PPP2R3A: variants seen among roughly 807,000 people sequenced by gnomAD.
PPP2R3A encodes the protein serine/threonine-protein phosphatase 2A regulatory subunit B'' subunit alpha.
Under a neutral mutation model 106.9 loss-of-function variants are expected in PPP2R3A, and 80 were observed. That is an observed-to-expected ratio of 0.75 (90% CI 0.62 to 0.90). PPP2R3A has a LOEUF of 0.90. Ranked by LOEUF, PPP2R3A falls within the 40% of genes least tolerant of loss-of-function variation. The pLI is 0.00. For missense variants in PPP2R3A, 1,386 were observed against 1,350.4 expected (o/e 1.03, Z -0.41); for synonymous variants, 483 against 468.3 (o/e 1.03, Z -0.41).
At chr3:136,094,479 T>C (rs1217511028) in intron 10 of PPP2R3A, among the ~76,000 whole-genome samples, 2 of 152,160 alleles carry the variant, frequency 1.3e-5, no homozygotes, top group Non-Finnish European at 2.9e-5. Flanking sequence ...GAAAGACAAC[T>C]GGAAAATCTC....
intron 5 of PPP2R3A, among the ~76,000 whole-genome samples, chr3:136,068,870 G>A (rs1489861848): frequency 1.3e-5 from 2 of 152,158 alleles, no homozygotes; most frequent in Admixed American, 6.5e-5. Context: ...TCTGTATTAC[G>A]TATGCCCAGT....
chr3:135,986,722 G>C (rs1932932686), intron 1 of PPP2R3A, among the ~76,000 whole-genome samples: 2 of 152,054 alleles, frequency 1.3e-5, no homozygotes, highest in Non-Finnish European at 2.9e-5. Flanking sequence ...TTTCTTTCCT[G>C]TTAGTGTGAA....
intron 4 of PPP2R3A, among the ~76,000 whole-genome samples, chr3:136,047,690 A>C (rs757046525): frequency 2.0e-5 from 3 of 152,176 alleles, no homozygotes; most frequent in Non-Finnish European, 4.4e-5. Flanking sequence ...TCACGAGGTC[A>C]GGAGATCGAT....
chr3:136,047,481 T>C lies in PPP2R3A; in HGVS notation c.2367-1778T>C, dbSNP rs186268141. 2.6e-5 allele frequency among the ~76,000 whole-genome samples: 4 copies of C among 152,364 alleles called. No individual in the cohort carries two copies. In the East Asian group the frequency reaches 7.7e-4, roughly 29 times the overall value. On this transcript the variant is annotated intron_variant, in intron 4 of 13. Coordinates refer to ENST00000264977, the MANE Select transcript of PPP2R3A (RefSeq NM_002718.5). ...GCAGCCGTAAAAAAGAATGAAGTCTTGTTCTTTGTAGCAACATGGATGCAG... is the reference window on the plus strand; with the variant it reads ...GCAGCCGTAAAAAAGAATGAAGTCTCGTTCTTTGTAGCAACATGGATGCAG...
intron 8 of PPP2R3A, among the ~76,000 whole-genome samples, chr3:136,087,243 G>GTC (rs1491461536): frequency 1.2e-3 from 87 of 75,082 alleles, no homozygotes; most frequent in Admixed American, 2.0e-3. Flanking sequence ...GTCTCTAGTC[G>GTC]TGTCTCTCTC....
intron 3 of PPP2R3A, among the ~76,000 whole-genome samples, chr3:136,039,074 A>G (rs552793358): frequency 1.4e-3 from 216 of 152,166 alleles, no homozygotes; most frequent in African/African-American, 4.8e-3. Context: ...AGCAGCCTGG[A>G]TGTTCTTTCA....
At chr3:136,056,234 G>T (rs1935855518) in intron 5 of PPP2R3A, among the ~76,000 whole-genome samples, 1 of 152,062 alleles carries the variant, frequency 6.6e-6, no homozygotes, top group African/African-American at 2.4e-5. Context: ...AGAAGTCTAA[G>T]GAGACATAAC....
At chr3:136,034,402 G>T (rs1935013441) in intron 3 of PPP2R3A, among the ~76,000 whole-genome samples, 1 of 152,206 alleles carries the variant, frequency 6.6e-6, no homozygotes, top group African/African-American at 2.4e-5. Context: ...CTGTGTCCCA[G>T]AGGGTTTGAT....
At chr3:136,086,768 T>C (rs1285442967) in intron 8 of PPP2R3A, among the ~76,000 whole-genome samples, 2 of 152,202 alleles carry the variant, frequency 1.3e-5, no homozygotes, top group Non-Finnish European at 2.9e-5. Flanking sequence ...TTCCCAACTT[T>C]CTTTGGCCAA....
intron 5 of PPP2R3A, among the ~76,000 whole-genome samples, chr3:136,059,203 C>T (rs968644083): frequency 4.0e-5 from 6 of 151,750 alleles, no homozygotes; most frequent in African/African-American, 1.5e-4. Context: ...AACAGACAGC[C>T]TACAGAATGG....
At chr3:136,074,085 A>G (rs993996653) in intron 6 of PPP2R3A, among the ~76,000 whole-genome samples, 7 of 152,236 alleles carry the variant, frequency 4.6e-5, no homozygotes, top group African/African-American at 1.7e-4. Context: ...TTCGTGGCAT[A>G]CAGTATAGAA....
At chr3:136,013,157 G>GGTGTGTGTGTGTGT (rs773969022) in intron 2 of PPP2R3A, among the ~76,000 whole-genome samples, 1 of 139,796 alleles carries the variant, frequency 7.2e-6, no homozygotes, top group African/African-American at 2.8e-5. Context: ...AGTATTCCAT[G>GGTGTGTGTGTGTGT]GTGTGTGTGT....
At chr3:136,036,302 C>T (rs1464642065) in intron 3 of PPP2R3A, among the ~76,000 whole-genome samples, 2 of 152,102 alleles carry the variant, frequency 1.3e-5, no homozygotes, top group Non-Finnish European at 2.9e-5. Context: ...ATTGTTTTGT[C>T]ATATAACCAG....
In PPP2R3A at chr3:136,146,863, A is replaced by G. The variant is rs2108048716; in HGVS notation, c.*1697A>G. ...AAGCAATTATTTCATTTCAGATAGA[A>G]ATACAAAAAAAAAAAAAATACTTTT... On this transcript the variant is annotated 3_prime_UTR_variant, in exon 14 of 14. Coordinates refer to ENST00000264977, the MANE Select transcript of PPP2R3A (RefSeq NM_002718.5). 1 of 151,896 alleles carries G rather than the reference A, an allele frequency of 6.6e-6. No homozygotes were observed. Among genetic ancestry groups the G allele is most frequent in the East Asian group, 1.9e-4 (1 of 5,186 alleles). 9.4% of individuals were successfully genotyped at this position (151,896 alleles called of 1,614,324 possible).
intron 13 of PPP2R3A, among the ~76,000 whole-genome samples, chr3:136,116,877 A>T (rs1937783861): frequency 6.6e-6 from 1 of 152,236 alleles, no homozygotes; most frequent in South Asian, 2.1e-4. Context: ...TCAGCTCTGG[A>T]CCAAGTGGAC....
chr3:136,012,013 A>T (rs932746941), intron 2 of PPP2R3A, among the ~76,000 whole-genome samples: 7 of 150,334 alleles, frequency 4.7e-5, no homozygotes, highest in South Asian at 2.1e-4. Context: ...ACACACACAC[A>T]CTCTCCACCA....
At chr3:135,980,660 C>CTA (rs1010502501) in intron 1 of PPP2R3A, among the ~76,000 whole-genome samples, 24 of 151,914 alleles carry the variant, frequency 1.6e-4, no homozygotes, top group African/African-American at 5.8e-4. Flanking sequence ...GTATAGACTC[C>CTA]TATACATTGG....
intron 8 of PPP2R3A, among the ~76,000 whole-genome samples, chr3:136,083,083 C>T (rs564654223): frequency 1.5e-4 from 23 of 152,324 alleles, no homozygotes; most frequent in African/African-American, 4.8e-4. Context: ...AGCATGAACA[C>T]GGCTCACTGT....
chr3:136,026,929 A>C lies in PPP2R3A; in HGVS notation c.2093A>C (p.Asn698Thr). The change falls in exon 3 of 14, where the codon AAT becomes ACT. Residue 698 changes from asparagine to threonine, a missense_variant. Coordinates refer to ENST00000264977, the MANE Select transcript of PPP2R3A (RefSeq NM_002718.5). ...CCTCTCTCCCCGGTTCCCCATGTGA[A>C]TAATGTTGTGAATGCGCCATTGTCC... Reference protein sequence around the residue: ...PRPLSPVPHVNNVVNAPLSIN... With the variant: ...PRPLSPVPHVTNVVNAPLSIN... 1 of 1,613,662 alleles carries C rather than the reference A, an allele frequency of 6.2e-7. No homozygotes were observed. The highest frequency in any genetic ancestry group is 8.5e-7 in the Non-Finnish European group (1 of 1,179,660).
Sources: allele counts gnomAD v4.1 joint callset (sites outside exome capture counted in the v4.1 genomes callset), GRCh38; gene constraint gnomAD v4.1.1; transcripts MANE v1.5; gene names NCBI Gene and HGNC (gene_info 2026-07-23, HGNC 2026-07-21).